The following TJP1 variants were observed in gnomAD, a reference collection of about 807,000 sequenced individuals.
TJP1 encodes the protein tight junction protein ZO-1.
TJP1 carries 43 observed loss-of-function variants against 194.2 expected under a neutral mutation model. The observed-to-expected ratio is 0.22, with a 90% CI of 0.17 to 0.29. TJP1 has a LOEUF of 0.29. Among genes scored for constraint, TJP1 ranks in the 10% least tolerant of loss-of-function variants. The probability of loss-of-function intolerance (pLI) is 1.00; values close to 1 mark genes in which losing one functional copy is unlikely to be tolerated. For synonymous variants in TJP1, 801 were observed against 779.0 expected, an observed-to-expected ratio of 1.03 and a Z score of -0.47; for missense variants, 1,971 against 2,185.7, an observed-to-expected ratio of 0.90 and a Z score of 1.96.
chr15:29,716,045 C>G (rs991687547), intron 23 of TJP1, among the ~76,000 whole-genome samples: 10 of 152,098 alleles, frequency 6.6e-5, no homozygotes, highest in Non-Finnish European at 1.0e-4. Flanking sequence ...GAAAGGAGAA[C>G]AAACCAACAC....
chr15:29,829,185 A>G (rs1386611827), intron 2 of TJP1, among the ~76,000 whole-genome samples: 2 of 152,176 alleles, frequency 1.3e-5, no homozygotes, highest in Non-Finnish European at 2.9e-5. Flanking sequence ...CCTAATATTA[A>G]TATCTTGCAT....
intron 1 of TJP1, among the ~76,000 whole-genome samples, chr15:29,960,635 C>A (rs78300878): frequency 1.8e-3 from 208 of 117,712 alleles, no homozygotes; most frequent in Middle Eastern, 4.5e-3. Flanking sequence ...GACCATGTCT[C>A]AAAAAAAAAA....
chr15:29,934,175 G>A (rs1028738922), intron 2 of TJP1, among the ~76,000 whole-genome samples: 55 of 152,198 alleles, frequency 3.6e-4, no homozygotes, highest in African/African-American at 1.3e-3. Context: ...GAGAAACTCC[G>A]GTTTCCTTAA....
chr15:29,869,816 T>G (rs2052442435), intron 2 of TJP1, among the ~76,000 whole-genome samples: 1 of 133,000 alleles, frequency 7.5e-6, no homozygotes, highest in Non-Finnish European at 1.6e-5. Flanking sequence ...TTTTTTTTTT[T>G]TTTTTTTTGA....
In TJP1 at chr15:29,762,125, G is replaced by A. The variant is rs2293187; in HGVS notation, c.693+210C>T. On this transcript the variant is annotated intron_variant, in intron 6 of 27. Coordinates refer to ENST00000614355, the MANE Select transcript of TJP1 (RefSeq NM_001330239.4). ...TCTATCTACAAAGTAGTACCGGCCT[G>A]TGAATAATTATCTCAGGATGACCCT... is the stretch of plus-strand genomic sequence containing the variant. Among the ~76,000 whole-genome samples the A allele has an allele frequency of 1.2e-4, 18 of 152,286 alleles. No homozygotes were observed. In the East Asian group the frequency reaches 2.1e-3, roughly 18 times the overall value.
chr15:29,799,817 TC>T lies in TJP1; in HGVS notation c.84+828del, dbSNP rs562156326. 5.1e-4 allele frequency among the ~76,000 whole-genome samples: 78 copies of T among 152,280 alleles called. 1 individual carries two copies. The highest frequency in any genetic ancestry group is 1.8e-3 in the African/African-American group (73 of 41,564). Reference sequence around the variant, plus strand: ...GGCAGAGTCCAGCAACATGATTCTTTCCCCTTTCCATCTTCCTAATAATGGA... The same window carrying T: ...GGCAGAGTCCAGCAACATGATTCTTTCCCTTTCCATCTTCCTAATAATGGA... On this transcript the variant is annotated intron_variant, in intron 2 of 27. Coordinates refer to ENST00000614355, the MANE Select transcript of TJP1 (RefSeq NM_001330239.4).
chr15:29,963,395 C>G (rs55873920), intron 1 of TJP1, among the ~76,000 whole-genome samples: 1 of 151,738 alleles, frequency 6.6e-6, no homozygotes, highest in Non-Finnish European at 1.5e-5. Context: ...TTTGTAAAAC[C>G]GAGAAAATAC....
At chr15:29,741,635 C>T (rs2044427476) in intron 9 of TJP1, among the ~76,000 whole-genome samples, 199 bp from the exon 10 acceptor site, 1 of 152,118 alleles carries the variant, frequency 6.6e-6, no homozygotes, top group African/African-American at 2.4e-5. Context: ...CCTGTGTTTT[C>T]CATAGTTCCA....
chr15:29,866,994 A>G (rs1487576342), intron 2 of TJP1, among the ~76,000 whole-genome samples: 1 of 152,246 alleles, frequency 6.6e-6, no homozygotes, highest in Non-Finnish European at 1.5e-5. Context: ...TTCCAGTTTC[A>G]TTCACGTGGG....
At chr15:29,912,852 G>C (rs934730153) in intron 2 of TJP1, among the ~76,000 whole-genome samples, 1 of 152,174 alleles carries the variant, frequency 6.6e-6, no homozygotes, top group East Asian at 1.9e-4. Flanking sequence ...GAATGCTACC[G>C]TATGTAAATT....
chr15:29,782,909 A>C (rs1014037711), intron 2 of TJP1, among the ~76,000 whole-genome samples: 69 of 151,982 alleles, frequency 4.5e-4, no homozygotes, highest in Non-Finnish European at 8.8e-4. Flanking sequence ...AAAAAAAAAA[A>C]AAAACACGTT....
At chr15:29,814,856 C>T (rs975403498) in intron 1 of TJP1, among the ~76,000 whole-genome samples, 5 of 152,078 alleles carry the variant, frequency 3.3e-5, no homozygotes, top group Non-Finnish European at 7.4e-5. Context: ...ACTAATAAAA[C>T]CTTATCTCTT....
intron 8 of TJP1, among the ~76,000 whole-genome samples, chr15:29,749,553 G>A (rs2045103908): frequency 6.6e-6 from 1 of 152,144 alleles, no homozygotes; most frequent in African/African-American, 2.4e-5. Context: ...CTCCTGCAGT[G>A]CCCAGCATCC....
intron 2 of TJP1, among the ~76,000 whole-genome samples, chr15:29,936,274 T>G (rs1486852122): frequency 6.6e-6 from 1 of 152,108 alleles, no homozygotes; most frequent in Non-Finnish European, 1.5e-5. Context: ...ATGGCACATG[T>G]TAAAAATTAA....
At chr15:29,771,666 G>A (rs1339188129) in intron 4 of TJP1, among the ~76,000 whole-genome samples, 3 of 152,186 alleles carry the variant, frequency 2.0e-5, no homozygotes, top group South Asian at 2.1e-4. Context: ...TTAGCCGGGC[G>A]TGGTGTCAAG....
chr15:29,764,636 GA>G (rs997807538), intron 5 of TJP1, among the ~76,000 whole-genome samples: 17 of 152,078 alleles, frequency 1.1e-4, no homozygotes, highest in African/African-American at 4.1e-4. Context: ...TCATGCATGG[GA>G]AAAAAAGAGA....
intron 1 of TJP1, among the ~76,000 whole-genome samples, chr15:29,811,502 G>A (rs934578634): frequency 2.6e-5 from 4 of 152,040 alleles, no homozygotes; most frequent in Admixed American, 1.3e-4. Flanking sequence ...AAGACCTGAG[G>A]TGCTCAGCAA....
intron 2 of TJP1, among the ~76,000 whole-genome samples, chr15:29,955,643 TG>T (rs1249939765): frequency 6.7e-6 from 1 of 150,142 alleles, no homozygotes; most frequent in African/African-American, 2.5e-5. Flanking sequence ...CCCAACTACT[TG>T]GGAGGCTGAT....
chr15:29,891,338 A>G (rs377035058), intron 2 of TJP1, among the ~76,000 whole-genome samples: 70 of 152,326 alleles, frequency 4.6e-4, no homozygotes, highest in African/African-American at 1.5e-3. Context: ...GAAATCGGAA[A>G]CTTGACTCAG....
Sources: allele counts gnomAD v4.1 joint callset (sites outside exome capture counted in the v4.1 genomes callset), GRCh38; gene constraint gnomAD v4.1.1; transcripts MANE v1.5; gene names NCBI Gene and HGNC (gene_info 2026-07-23, HGNC 2026-07-21).